The following TMEM266 variants were observed in gnomAD, a reference collection of about 807,000 sequenced individuals.
TMEM266 encodes the protein Hv1 related protein 1.
Under a neutral mutation model 50.5 loss-of-function variants are expected in TMEM266, and 33 were observed. The observed-to-expected ratio is 0.65, with a 90% CI of 0.50 to 0.87. The LOEUF is 0.87. Among genes scored for constraint, TMEM266 ranks in the 40% least tolerant of loss-of-function variants. The pLI, the probability that TMEM266 is intolerant of heterozygous loss-of-function variation, is 0.00. For missense variants in TMEM266, 655 were observed against 695.1 expected (o/e 0.94, Z 0.65); for synonymous variants, 310 against 292.3 (o/e 1.06, Z -0.62).
chr15:76,093,519 G>A (rs185386140), intron 1 of TMEM266, among the ~76,000 whole-genome samples: 26 of 151,904 alleles, frequency 1.7e-4, no homozygotes, highest in African/African-American at 6.3e-4. Context: ...GTTATTGATG[G>A]ACATTTGGGT....
At chr15:76,088,155 T>A (rs2036799840) in intron 1 of TMEM266, among the ~76,000 whole-genome samples, 1 of 152,192 alleles carries the variant, frequency 6.6e-6, no homozygotes, top group Non-Finnish European at 1.5e-5. Context: ...CACTGAAGTG[T>A]CTTCTAGTGG....
At position 76,160,259 on chromosome 15, in the gene TMEM266, A is replaced by G. The variant is rs2037997404; in HGVS notation, c.456+91A>G. On this transcript the variant is annotated intron_variant, in intron 5 of 10. Transcript: ENST00000388942. This position sits in a 1 kb window ranked among gnomAD's most constrained non-coding sequence, Gnocchi z 5.7. ...TCTACTTCTCGAAATGGTTTCTAGC[A>G]TCAGGTCCCCTGCTAGCCCTTGAGG... The G allele has an allele frequency of 7.7e-7, 1 of 1,293,194 alleles. No homozygotes were observed. Among genetic ancestry groups the G allele is most frequent in the South Asian group, 1.2e-5 (1 of 81,590 alleles). The allele number at this position is 1,293,194 out of a possible 1,614,324, so 80.1% of individuals were successfully genotyped here.
chr15:76,172,950 C>G (rs1263429214), intron 7 of TMEM266, among the ~76,000 whole-genome samples: 2 of 151,874 alleles, frequency 1.3e-5, no homozygotes, highest in South Asian at 2.1e-4. Flanking sequence ...ATTTTGAGAG[C>G]CCCCTTTGTG....
At chr15:76,134,076 G>A (rs542794008) in intron 1 of TMEM266, 92 bp from the exon 2 acceptor site, 26 of 535,776 alleles carry the variant, frequency 4.9e-5, no homozygotes, top group Non-Finnish European at 8.3e-5. Context: ...GTGCTAGATG[G>A]AAGAAAGTTC....
intron 1 of TMEM266, among the ~76,000 whole-genome samples, chr15:76,120,758 C>CAAAAA (rs60694791): frequency 2.2e-3 from 126 of 57,080 alleles, no homozygotes; most frequent in Non-Finnish European, 3.1e-3. Flanking sequence ...AAGACTGTCT[C>CAAAAA]AAAAAAAAAA....
chr15:76,203,676 T>C, intron 10 of TMEM266, 65 bp from the exon 11 acceptor site: 78 of 1,493,646 alleles, frequency 5.2e-5, no homozygotes, highest in Non-Finnish European at 7.0e-5. Flanking sequence ...TCAGACCTGC[T>C]CTCTTCAGGG....
chr15:76,164,231 G>A (rs1166485102), intron 5 of TMEM266, among the ~76,000 whole-genome samples: 1 of 152,014 alleles, frequency 6.6e-6, no homozygotes, highest in East Asian at 1.9e-4. Flanking sequence ...TTCGAGACAG[G>A]GTCTCACTCT....
At chr15:76,197,805 T>C (rs778883326) in intron 9 of TMEM266, among the ~76,000 whole-genome samples, 11 of 152,192 alleles carry the variant, frequency 7.2e-5, no homozygotes, top group Non-Finnish European at 1.5e-4. Flanking sequence ...CCATGCAGCC[T>C]GGCCAGTCCC....
chr15:76,079,958 C>A (rs940894669), intron 1 of TMEM266, among the ~76,000 whole-genome samples: 1 of 151,870 alleles, frequency 6.6e-6, no homozygotes, highest in Non-Finnish European at 1.5e-5. Context: ...ACAGCACAGA[C>A]TAAATAGACC....
chr15:76,185,040 C>T (rs577443591), intron 8 of TMEM266, among the ~76,000 whole-genome samples: 5 of 152,134 alleles, frequency 3.3e-5, no homozygotes, highest in Admixed American at 2.0e-4. Flanking sequence ...TGGGGAGCCC[C>T]GTCCTGTTGT....
At chr15:76,135,303 A>C (rs548866688) in intron 2 of TMEM266, among the ~76,000 whole-genome samples, 1 of 152,174 alleles carries the variant, frequency 6.6e-6, no homozygotes. Context: ...TAGCCTATAC[A>C]CTGTGGGACC....
At chr15:76,100,227 C>T (rs918456464) in intron 1 of TMEM266, among the ~76,000 whole-genome samples, 4 of 152,112 alleles carry the variant, frequency 2.6e-5, no homozygotes, top group Non-Finnish European at 2.9e-5. Context: ...CTCTGCAGGT[C>T]GGACTAGAGA....
At chr15:76,106,892 A>G (rs1166653360) in intron 1 of TMEM266, among the ~76,000 whole-genome samples, 1 of 152,224 alleles carries the variant, frequency 6.6e-6, no homozygotes, top group African/African-American at 2.4e-5. Context: ...ATCTATTGCT[A>G]TTAACCATAG....
At chr15:76,135,215 A>G (rs2037569868) in intron 2 of TMEM266, among the ~76,000 whole-genome samples, 1 of 152,242 alleles carries the variant, frequency 6.6e-6, no homozygotes, top group African/African-American at 2.4e-5. Context: ...GCTCAAGGAG[A>G]GGTAAAGAAT....
intron 1 of TMEM266, among the ~76,000 whole-genome samples, chr15:76,090,522 A>G (rs1378890343): frequency 6.6e-6 from 1 of 151,850 alleles, no homozygotes; most frequent in East Asian, 1.9e-4. Flanking sequence ...AGAAAAAGAA[A>G]AAAGTTGGGA....
intron 4 of TMEM266, among the ~76,000 whole-genome samples, chr15:76,158,798 C>T (rs11857579): frequency 3.3e-5 from 5 of 152,210 alleles, no homozygotes; most frequent in South Asian, 2.1e-4. Context: ...TGGCCTGACT[C>T]GGAGCTCATC....
At chr15:76,088,397 C>T (rs2036802799) in intron 1 of TMEM266, among the ~76,000 whole-genome samples, 1 of 152,130 alleles carries the variant, frequency 6.6e-6, no homozygotes, top group Admixed American at 6.5e-5. Context: ...CTCACACCTA[C>T]AATCCTAGCA....
At chr15:76,109,870 G>T (rs2037141437) in intron 1 of TMEM266, among the ~76,000 whole-genome samples, 1 of 151,992 alleles carries the variant, frequency 6.6e-6, no homozygotes, top group Non-Finnish European at 1.5e-5. Flanking sequence ...GTTTTACCCA[G>T]GCTGGTCTTG....
intron 1 of TMEM266, among the ~76,000 whole-genome samples, chr15:76,107,343 G>A (rs74481457): frequency 0.012 from 1,901 of 152,306 alleles, 39 homozygotes; most frequent in African/African-American, 0.043. Context: ...AGCCAGGCGT[G>A]GCTCGTTGCC....
Sources: gnomAD v4.1 joint callset for allele counts (sites outside exome capture counted in the v4.1 genomes callset) on GRCh38, gnomAD v4.1.1 for gene constraint, Gnocchi (gnomAD v3.1) non-coding constraint, MANE v1.5 for transcripts, NCBI Gene and HGNC (gene_info 2026-07-23, HGNC 2026-07-21) for gene names.